Variants in EXOC4 observed in about 807,000 individuals in gnomAD.
EXOC4 encodes the protein exocyst complex component 4.
A neutral mutation model predicts 107.2 loss-of-function variants in EXOC4; 71 were observed. That is an observed-to-expected ratio of 0.66 (90% CI 0.55 to 0.81). The LOEUF is 0.81. EXOC4 is among the 30% of genes least tolerant of loss of function. The pLI, the probability that EXOC4 is intolerant of heterozygous loss-of-function variation, is 0.00. For missense variants in EXOC4, 1,108 were observed against 1,189.6 expected (o/e 0.93, Z 1.01); for synonymous variants, 456 against 441.2 (o/e 1.03, Z -0.42).
At chr7:133,268,875 A>G (rs1259083987) in intron 1 of EXOC4, among the ~76,000 whole-genome samples, 1 of 152,234 alleles carries the variant, frequency 6.6e-6, no homozygotes, top group Non-Finnish European at 1.5e-5. Context: ...GTTAAGATGT[A>G]ATTCATCATG....
At chr7:133,768,763 TA>T (rs1476079094) in intron 10 of EXOC4, among the ~76,000 whole-genome samples, 1 of 151,930 alleles carries the variant, frequency 6.6e-6, no homozygotes, top group Non-Finnish European at 1.5e-5. Context: ...TCAGGCACTG[TA>T]TTAAGTGCAA....
intron 10 of EXOC4, among the ~76,000 whole-genome samples, chr7:133,809,879 C>T (rs920826747): frequency 6.6e-6 from 1 of 152,096 alleles, no homozygotes; most frequent in Non-Finnish European, 1.5e-5. Flanking sequence ...GCTCTAAAAC[C>T]AGAATCCTGA....
chr7:133,439,236 G>A (rs1403296890), intron 7 of EXOC4, among the ~76,000 whole-genome samples: 1 of 147,444 alleles, frequency 6.8e-6, no homozygotes, highest in Non-Finnish European at 1.5e-5. Flanking sequence ...CCAGGCTGGA[G>A]TGCAGTGGGG....
chr7:133,821,765 T>C (rs1003429951), intron 11 of EXOC4, among the ~76,000 whole-genome samples: 1 of 152,134 alleles, frequency 6.6e-6, no homozygotes, highest in African/African-American at 2.4e-5. Flanking sequence ...AATAGATAGA[T>C]AGAAAAGTGC....
chr7:133,903,231 C>CTT (rs1799494931), intron 12 of EXOC4, among the ~76,000 whole-genome samples: 1 of 152,160 alleles, frequency 6.6e-6, no homozygotes, highest in African/African-American at 2.4e-5. Flanking sequence ...GAGTACTACT[C>CTT]TGAGTGAAAT....
At chr7:133,854,274 G>A (rs922759214) in intron 11 of EXOC4, among the ~76,000 whole-genome samples, 1 of 152,060 alleles carries the variant, frequency 6.6e-6, no homozygotes, top group African/African-American at 2.4e-5. Flanking sequence ...CGGACTCTGG[G>A]GACTGATGGA....
intron 4 of EXOC4, among the ~76,000 whole-genome samples, chr7:133,316,747 A>G (rs1474810277): frequency 6.6e-6 from 1 of 152,164 alleles, no homozygotes; most frequent in Non-Finnish European, 1.5e-5. Context: ...AATCATTTTA[A>G]TTGTTGTGAT....
chr7:133,601,375 A>T (rs1255989620), intron 9 of EXOC4, among the ~76,000 whole-genome samples: 1 of 151,936 alleles, frequency 6.6e-6, no homozygotes, highest in Admixed American at 6.6e-5. Flanking sequence ...ATGTGTATAT[A>T]TTTATATATA....
chr7:133,948,999 G>A (rs1284781807), intron 14 of EXOC4, among the ~76,000 whole-genome samples: 3 of 152,194 alleles, frequency 2.0e-5, no homozygotes, highest in African/African-American at 4.8e-5. Flanking sequence ...GCAGCAAGGC[G>A]AATGCAATGC....
chr7:133,747,905 C>G (rs572214610), intron 10 of EXOC4, among the ~76,000 whole-genome samples: 1 of 152,106 alleles, frequency 6.6e-6, no homozygotes, highest in Non-Finnish European at 1.5e-5. Flanking sequence ...CTTGCCTATC[C>G]GTACCATCAC....
chr7:134,037,471 A>G (rs1193601651), intron 17 of EXOC4, among the ~76,000 whole-genome samples: 1 of 152,214 alleles, frequency 6.6e-6, no homozygotes, highest in Non-Finnish European at 1.5e-5. Flanking sequence ...CCCTTGTGGG[A>G]GGCTCAGAGA....
chr7:133,657,426 T>C (rs1038767894), intron 10 of EXOC4, among the ~76,000 whole-genome samples: 23 of 152,212 alleles, frequency 1.5e-4, no homozygotes, highest in African/African-American at 5.3e-4. Context: ...ATTTTACTGA[T>C]GTTGGTATTT....
intron 6 of EXOC4, among the ~76,000 whole-genome samples, chr7:133,367,435 G>T (rs1200180234): frequency 6.6e-6 from 1 of 152,096 alleles, no homozygotes; most frequent in South Asian, 2.1e-4. Context: ...GGCCAAAGTG[G>T]GTTTCTTGGA....
At chr7:134,025,949 A>T (rs1325954170) in intron 17 of EXOC4, among the ~76,000 whole-genome samples, 1 of 152,168 alleles carries the variant, frequency 6.6e-6, no homozygotes, top group Non-Finnish European at 1.5e-5. Context: ...TATCTTTGGA[A>T]TTTAGTCACC....
chr7:133,326,595 G>A (rs1396395755), intron 5 of EXOC4, among the ~76,000 whole-genome samples: 1 of 152,222 alleles, frequency 6.6e-6, no homozygotes, highest in African/African-American at 2.4e-5. Context: ...GCAGCCGGCT[G>A]TGTGAGGTGT....
At chr7:133,711,520 G>A (rs1040608531) in intron 10 of EXOC4, among the ~76,000 whole-genome samples, 2 of 152,192 alleles carry the variant, frequency 1.3e-5, no homozygotes, top group Non-Finnish European at 2.9e-5. Context: ...CAGTGAGATG[G>A]AGACTGACAA....
intron 10 of EXOC4, among the ~76,000 whole-genome samples, chr7:133,725,825 G>A (rs1011069062): frequency 1.1e-4 from 17 of 152,208 alleles, no homozygotes; most frequent in African/African-American, 4.1e-4. Flanking sequence ...AACTCCTGGT[G>A]TGAATGAGAG....
At chr7:133,791,240 G>A (rs1796697416) in intron 10 of EXOC4, among the ~76,000 whole-genome samples, 1 of 152,046 alleles carries the variant, frequency 6.6e-6, no homozygotes, top group Non-Finnish European at 1.5e-5. Flanking sequence ...TTGGTGATAG[G>A]GTTTACGAGT....
intron 9 of EXOC4, among the ~76,000 whole-genome samples, chr7:133,496,176 GT>G (rs1382815910): frequency 6.6e-6 from 1 of 151,948 alleles, no homozygotes; most frequent in Non-Finnish European, 1.5e-5. Flanking sequence ...TTGAGATGCG[GT>G]CTTGCTCTGT....
Sources: gnomAD v4.1 joint callset for allele counts (sites outside exome capture counted in the v4.1 genomes callset) on GRCh38, gnomAD v4.1.1 for gene constraint, MANE v1.5 for transcripts, NCBI Gene and HGNC (gene_info 2026-07-23, HGNC 2026-07-21) for gene names.